Variants in KIAA1217 observed in about 807,000 individuals in gnomAD.
KIAA1217 encodes sickle tail protein homolog.
In KIAA1217, 88 loss-of-function variants were observed where a neutral mutation model predicts 163.9. The observed-to-expected ratio is 0.54, with a 90% CI of 0.45 to 0.64. The LOEUF is 0.64. KIAA1217 is among the 30% of genes least tolerant of loss of function. KIAA1217 has a pLI of 0.00. For missense variants in KIAA1217, 2,372 were observed against 2,475.0 expected (o/e 0.96, Z 0.88); for synonymous variants, 903 against 923.1 (o/e 0.98, Z 0.39).
At chr10:23,836,736 G>A (rs1291144677) in intron 1 of KIAA1217, among the ~76,000 whole-genome samples, 1 of 151,568 alleles carries the variant, frequency 6.6e-6, no homozygotes, top group Non-Finnish European at 1.5e-5. Flanking sequence ...ACCAGCCTGG[G>A]CAACATAATG....
chr10:23,915,353 G>GT (rs991106236), intron 1 of KIAA1217, among the ~76,000 whole-genome samples: 35 of 152,244 alleles, frequency 2.3e-4, no homozygotes, highest in African/African-American at 7.9e-4. Flanking sequence ...TGAGGGAGAT[G>GT]TGGGGGGGAG....
At chr10:24,366,424 G>C (rs562971274) in intron 2 of KIAA1217, among the ~76,000 whole-genome samples, 1 of 152,116 alleles carries the variant, frequency 6.6e-6, no homozygotes, top group Non-Finnish European at 1.5e-5. Context: ...CAGCCTGGGC[G>C]ACAAAGTGAG....
chr10:23,915,123 G>T (rs1842584194), intron 1 of KIAA1217, among the ~76,000 whole-genome samples: 1 of 152,060 alleles, frequency 6.6e-6, no homozygotes, highest in Non-Finnish European at 1.5e-5. Flanking sequence ...GAAGAAAGGG[G>T]TGAGGAAGAC....
intron 2 of KIAA1217, among the ~76,000 whole-genome samples, chr10:24,057,144 G>A (rs963872830): frequency 6.6e-6 from 1 of 152,176 alleles, no homozygotes; most frequent in Non-Finnish European, 1.5e-5. Flanking sequence ...CTACTCAGGA[G>A]GCTGAGGTGA....
At position 24,090,169 on chromosome 10, in the gene KIAA1217, T is replaced by C. The variant is rs111297089; in HGVS notation, c.-171+82795T>C. 1.4e-3 allele frequency among the ~76,000 whole-genome samples: 180 copies of C among 128,870 alleles called. 2 individuals are homozygous for C. Among genetic ancestry groups the C allele is most frequent in the African/African-American group, 6.4e-3 (169 of 26,464 alleles). 84.5% of individuals were successfully genotyped at this position (128,870 alleles called of 152,430 possible). On this transcript the variant is annotated intron_variant, in intron 2 of 18. Coordinates refer to the KIAA1217 transcript ENST00000376462. ...CTTTCTTTCTTTTTCTTTTTCTTTT[T>C]TTTTTTTTTTTTTTTGAGACAGGGT...
chr10:23,906,318 C>T (rs1000107863), intron 1 of KIAA1217, among the ~76,000 whole-genome samples: 2 of 151,822 alleles, frequency 1.3e-5, no homozygotes, highest in African/African-American at 4.8e-5. Context: ...CAAACACATA[C>T]TCAAGGCTTT....
intron 10 of KIAA1217, among the ~76,000 whole-genome samples, chr10:24,513,797 A>C (rs1471474095): frequency 6.6e-6 from 1 of 151,754 alleles, no homozygotes; most frequent in Non-Finnish European, 1.5e-5. Flanking sequence ...AAAAAAAAAA[A>C]AAAAACAGAG....
chr10:24,219,405 C>T (rs1337045335), intron 1 of KIAA1217, among the ~76,000 whole-genome samples: 1 of 152,216 alleles, frequency 6.6e-6, no homozygotes, highest in Non-Finnish European at 1.5e-5. Context: ...AGTCGCCATG[C>T]CCAATGAACA....
intron 2 of KIAA1217, among the ~76,000 whole-genome samples, chr10:24,169,326 C>G (rs867704481): frequency 6.6e-6 from 1 of 152,328 alleles, no homozygotes; most frequent in Middle Eastern, 3.4e-3. Context: ...CTCCATCACT[C>G]AATTCTCATT....
chr10:24,021,529 A>G (rs12263338), intron 2 of KIAA1217, among the ~76,000 whole-genome samples: 3,672 of 152,094 alleles, frequency 0.024, 95 homozygotes, highest in African/African-American at 0.063. Context: ...TCCCAATTTT[A>G]TCTACAGATT....
chr10:24,366,326 T>C (rs1372513636), intron 2 of KIAA1217, among the ~76,000 whole-genome samples: 1 of 151,980 alleles, frequency 6.6e-6, no homozygotes, highest in East Asian at 1.9e-4. Context: ...GCGCCTGTAA[T>C]CCCAGCTACT....
chr10:24,201,726 A>C (rs920018172), intron 2 of KIAA1217, among the ~76,000 whole-genome samples: 1 of 151,314 alleles, frequency 6.6e-6, no homozygotes, highest in Non-Finnish European at 1.5e-5. Context: ...AATTCTGTGG[A>C]CTGAGGTGGG....
intron 2 of KIAA1217, among the ~76,000 whole-genome samples, chr10:24,222,975 A>G (rs968268832): frequency 2.6e-5 from 4 of 152,198 alleles, no homozygotes; most frequent in African/African-American, 9.6e-5. Flanking sequence ...TAATTTCCTG[A>G]CGTTGCCATG....
intron 17 of KIAA1217, among the ~76,000 whole-genome samples, chr10:24,540,395 G>A (rs1389222378): frequency 6.6e-6 from 1 of 152,078 alleles, no homozygotes; most frequent in Non-Finnish European, 1.5e-5. Flanking sequence ...CACCACGCCT[G>A]GCTAATTTTT....
intron 2 of KIAA1217, among the ~76,000 whole-genome samples, chr10:24,263,199 C>G (rs748116121): frequency 3.3e-5 from 5 of 152,150 alleles, no homozygotes; most frequent in African/African-American, 4.8e-5. Flanking sequence ...TAAATACTCA[C>G]GGAAGATTAG....
At chr10:24,273,351 A>C (rs1017683077) in intron 2 of KIAA1217, among the ~76,000 whole-genome samples, 2 of 152,220 alleles carry the variant, frequency 1.3e-5, no homozygotes, top group Non-Finnish European at 2.9e-5. Flanking sequence ...ATATTCTCAG[A>C]CAGTCCAGGC....
chr10:23,767,634 G>A (rs891429974), intron 1 of KIAA1217, among the ~76,000 whole-genome samples: 3 of 152,108 alleles, frequency 2.0e-5, no homozygotes, highest in Non-Finnish European at 2.9e-5. Context: ...TTTGAGGGGC[G>A]AGGTAATTGT....
At chr10:24,208,015 G>C (rs1057467420), upstream of KIAA1217, among the ~76,000 whole-genome samples, 35 of 150,694 alleles carry the variant, frequency 2.3e-4, 1 homozygote, top group African/African-American at 8.3e-4. Context: ...CTCCTGTGAC[G>C]GGGCTACTAC....
intron 17 of KIAA1217, among the ~76,000 whole-genome samples, chr10:24,539,726 A>G (rs190107970): frequency 2.0e-5 from 3 of 152,302 alleles, no homozygotes; most frequent in African/African-American, 7.2e-5. Flanking sequence ...ATGACCATGT[A>G]TATCAGACTT....
Sources: allele counts gnomAD v4.1 joint callset (sites outside exome capture counted in the v4.1 genomes callset), GRCh38; gene constraint gnomAD v4.1.1; transcripts MANE v1.5; gene names NCBI Gene and HGNC (gene_info 2026-07-23, HGNC 2026-07-21).